C1QTNF3: variants seen among roughly 807,000 people sequenced by gnomAD.
C1QTNF3 encodes complement C1q tumor necrosis factor-related protein 3.
C1QTNF3 carries 26 observed loss-of-function variants against 32.6 expected under a neutral mutation model. The observed-to-expected ratio is 0.80, with a 90% CI of 0.58 to 1.11. The LOEUF is 1.11. Among genes scored for constraint, C1QTNF3 ranks in the 50% least tolerant of loss-of-function variants. C1QTNF3 has a pLI of 0.00. For synonymous variants in C1QTNF3, 155 were observed against 146.0 expected (o/e 1.06, Z -0.44); for missense variants, 362 against 398.2 (o/e 0.91, Z 0.77).
At chr5:34,171,960 C>A in the C1QTNF3 span, among the ~76,000 whole-genome samples, 1 of 152,150 alleles carries the variant, frequency 6.6e-6, no homozygotes, top group South Asian at 2.1e-4. Flanking sequence ...CATAATACTT[C>A]CATCTGGTTT....
upstream of C1QTNF3, chr5:34,043,953 C>T (rs368095077): frequency 7.9e-5 from 12 of 152,236 alleles, no homozygotes; most frequent in South Asian, 4.1e-4. Flanking sequence ...AAAATAGAAA[C>T]GGGGCCGGGC....
Position 34,042,808 on chromosome 5 carries a change from G to T in C1QTNF3, c.303+15C>A, listed in dbSNP as rs1439283999. On this transcript the variant is annotated intron_variant, in intron 1 of 5. Transcript: ENST00000382065. ...TAAGCTTTCACAAAAATCCTTAGAA[G>T]AGAATTCTGAGTACCTGGCCCCAGA... The T allele has an allele frequency of 6.2e-7, 1 of 1,602,106 alleles. No homozygotes were observed. Among genetic ancestry groups the T allele is most frequent in the Non-Finnish European group, 8.5e-7 (1 of 1,173,898 alleles).
At chr5:34,181,603 A>G in the C1QTNF3 span, among the ~76,000 whole-genome samples, 158 of 151,624 alleles carry the variant, frequency 1.0e-3, no homozygotes, top group African/African-American at 3.7e-3. Flanking sequence ...ACCGCAAATG[A>G]AACTGGCTCT....
At chr5:34,052,338 C>T in the C1QTNF3 span, among the ~76,000 whole-genome samples, 1 of 152,156 alleles carries the variant, frequency 6.6e-6, no homozygotes, top group Non-Finnish European at 1.5e-5. Flanking sequence ...TTATATTTAT[C>T]TATTGTATTC....
chr5:34,086,927 C>T, the C1QTNF3 span, among the ~76,000 whole-genome samples: 1 of 151,942 alleles, frequency 6.6e-6, no homozygotes, highest in Non-Finnish European at 1.5e-5. Flanking sequence ...GAAAAACTCA[C>T]CATATAGCCT....
chr5:34,166,524 G>A, the C1QTNF3 span: 3 of 152,138 alleles, frequency 2.0e-5, no homozygotes, highest in Non-Finnish European at 4.4e-5. Context: ...TCAGGAAGTG[G>A]AGCAATATTA....
the C1QTNF3 span, among the ~76,000 whole-genome samples, chr5:34,080,658 TTC>T: frequency 6.6e-6 from 1 of 151,600 alleles, no homozygotes; most frequent in Non-Finnish European, 1.5e-5. Context: ...CAAAATGCAT[TTC>T]TTTCTTCTTT....
At chr5:34,115,654 C>T in the C1QTNF3 span, among the ~76,000 whole-genome samples, 1 of 151,782 alleles carries the variant, frequency 6.6e-6, no homozygotes, top group Non-Finnish European at 1.5e-5. Flanking sequence ...TGGCGTGAAC[C>T]CGGGAGGCGA....
At chr5:34,169,631 T>C in the C1QTNF3 span, among the ~76,000 whole-genome samples, 4 of 152,196 alleles carry the variant, frequency 2.6e-5, no homozygotes, top group Non-Finnish European at 5.9e-5. Context: ...TTTTCTTGTT[T>C]GTTTTTAGTT....
the C1QTNF3 span, among the ~76,000 whole-genome samples, chr5:34,113,946 AT>A: frequency 6.6e-6 from 1 of 152,236 alleles, no homozygotes; most frequent in African/African-American, 2.4e-5. Context: ...AAAATGCCAT[AT>A]CCATCATAGA....
chr5:34,050,868 G>A, the C1QTNF3 span, among the ~76,000 whole-genome samples: 2 of 152,134 alleles, frequency 1.3e-5, no homozygotes, highest in African/African-American at 4.8e-5. Flanking sequence ...TTGGACTTTG[G>A]GGGTAGGTTT....
At chr5:34,040,116 T>A (rs985702032) in intron 1 of C1QTNF3, among the ~76,000 whole-genome samples, 3 of 152,206 alleles carry the variant, frequency 2.0e-5, no homozygotes, top group Admixed American at 6.5e-5. Flanking sequence ...TTGGAAGGGA[T>A]GTGTTAATTC....
At position 34,019,311 on chromosome 5, in the gene C1QTNF3, C is replaced by T. The variant is rs1295111600; in HGVS notation, c.*1272G>A. The T allele has an allele frequency of 6.6e-6, 1 of 152,126 alleles. No homozygotes were observed. The highest frequency in any genetic ancestry group is 1.5e-5 in the Non-Finnish European group (1 of 68,042). The allele number at this position is 152,126 out of a possible 1,614,324, so 9.4% of individuals were successfully genotyped here. On this transcript the variant is annotated 3_prime_UTR_variant, in exon 6 of 6. Coordinates refer to ENST00000382065, the MANE Select transcript of C1QTNF3 (RefSeq NM_181435.6). ...GCATTGGAAATTATCTGCACCTTTT[C>T]CCATCTCTGTTGTGAATCAATTTCC...
At chr5:34,082,987 C>G in the C1QTNF3 span, among the ~76,000 whole-genome samples, 1 of 151,428 alleles carries the variant, frequency 6.6e-6, no homozygotes, top group African/African-American at 2.4e-5. Flanking sequence ...TTATAGCAAA[C>G]TAGCAGATAT....
chr5:34,134,546 C>T, the C1QTNF3 span, among the ~76,000 whole-genome samples: 1 of 152,090 alleles, frequency 6.6e-6, no homozygotes, highest in Non-Finnish European at 1.5e-5. Context: ...TTAGCCTAGA[C>T]CTGACTGCAA....
chr5:34,207,992 G>T, the C1QTNF3 span, among the ~76,000 whole-genome samples: 1 of 152,008 alleles, frequency 6.6e-6, no homozygotes, highest in Non-Finnish European at 1.5e-5. Flanking sequence ...GGGTTTCACC[G>T]TGTTACCCAC....
the C1QTNF3 span, among the ~76,000 whole-genome samples, chr5:34,217,674 AAG>A: frequency 6.6e-6 from 1 of 152,158 alleles, no homozygotes; most frequent in Non-Finnish European, 1.5e-5. Context: ...TGCACAGCTA[AAG>A]TTGGGATTAT....
the C1QTNF3 span, among the ~76,000 whole-genome samples, chr5:34,221,734 T>G: frequency 6.7e-6 from 1 of 149,908 alleles, no homozygotes; most frequent in Non-Finnish European, 1.5e-5. Flanking sequence ...AATGTTATTT[T>G]CATAGATTTT....
intron 4 of C1QTNF3, among the ~76,000 whole-genome samples, chr5:34,027,084 T>C (rs1411977736): frequency 6.6e-6 from 1 of 152,194 alleles, no homozygotes; most frequent in Non-Finnish European, 1.5e-5. Flanking sequence ...AAAATGTTAA[T>C]AGTAGTGGAA....
Sources: gnomAD v4.1 joint callset for allele counts (sites outside exome capture counted in the v4.1 genomes callset) on GRCh38, gnomAD v4.1.1 for gene constraint, MANE v1.5 for transcripts, NCBI Gene and HGNC (gene_info 2026-07-23, HGNC 2026-07-21) for gene names.